ADAMTS19: variants seen among roughly 807,000 people sequenced by gnomAD.
ADAMTS19 encodes the protein A disintegrin and metalloproteinase with thrombospondin motifs 19.
A neutral mutation model predicts 153.3 loss-of-function variants in ADAMTS19; 93 were observed. The observed-to-expected ratio is 0.61, with a 90% CI of 0.51 to 0.72. The LOEUF (loss-of-function observed/expected upper bound fraction) is 0.72, where lower values mean the gene tolerates loss of function less well. Ranked by LOEUF, ADAMTS19 falls within the 30% of genes least tolerant of loss-of-function variation. The pLI is 0.00. For missense variants in ADAMTS19, 1,482 were observed against 1,552.1 expected (o/e 0.95, Z 0.76); for synonymous variants, 600 against 556.6 (o/e 1.08, Z -1.10).
intron 10 of ADAMTS19, among the ~76,000 whole-genome samples, chr5:129,640,297 A>G (rs1752736414): frequency 6.6e-6 from 1 of 152,176 alleles, no homozygotes; most frequent in South Asian, 2.1e-4. Flanking sequence ...AAGCTTACAA[A>G]CAGTTCAGAA....
intron 21 of ADAMTS19, among the ~76,000 whole-genome samples, chr5:129,712,984 C>T (rs575656363): frequency 6.6e-5 from 10 of 152,194 alleles, no homozygotes; most frequent in Admixed American, 2.0e-4. Flanking sequence ...TTTCCTTCTT[C>T]ATAGCTTCTA....
At position 129,461,640 on chromosome 5, in the gene ADAMTS19, G is replaced by A. The variant is rs773298842; in HGVS notation, c.630G>A (p.Thr210=). ...GGCCAAATCCCGGCCCCGGCCCCAC[G>A]GGGGCAGCATCCGCCCCGCAACCTC... ...EQRPNPGPGP[T]GAASAPQPPA... is the part of the protein sequence containing the mutation. The change falls in exon 2 of 23, where the codon ACG becomes ACA. Residue 210 remains threonine (T), a synonymous_variant. Transcript: ENST00000274487. This position sits in a 1 kb window ranked among gnomAD's most constrained non-coding sequence, Gnocchi z 4.6. 6 of 1,531,210 alleles carry A rather than the reference G, an allele frequency of 3.9e-6. No individual in the cohort carries two copies. Among genetic ancestry groups the A allele is most frequent in the Admixed American group, 1.8e-5 (1 of 55,896 alleles). The allele number at this position is 1,531,210 out of a possible 1,614,324, so 94.9% of individuals were successfully genotyped here.
chr5:129,545,799 T>C (rs2126808351), intron 6 of ADAMTS19, among the ~76,000 whole-genome samples: 1 of 150,882 alleles, frequency 6.6e-6, no homozygotes, highest in South Asian at 2.1e-4. Flanking sequence ...GACTGTAAAC[T>C]AGTTCAACCA....
At position 129,460,332 on chromosome 5, in the gene ADAMTS19, C is replaced by A; in HGVS notation, c.-60C>A. ...GCGCTCCGGGGAGGCCGCTGCGCCC[C>A]GGAGTGGATCGCGCTGGAGGCGTGC... On this transcript the variant is annotated 5_prime_UTR_variant, in exon 1 of 23. Coordinates refer to ENST00000274487, the MANE Select transcript of ADAMTS19 (RefSeq NM_133638.6). 6.7e-7 allele frequency: 1 copy of A among 1,501,362 alleles called. No individual in the cohort carries two copies. The highest frequency in any genetic ancestry group is 1.1e-5 in the South Asian group (1 of 88,526). 93.0% of individuals were successfully genotyped at this position (1,501,362 alleles called of 1,614,324 possible). A position where few individuals can be genotyped will look rare whatever the true frequency, so the allele number is the denominator to read the frequency against.
intron 2 of ADAMTS19, among the ~76,000 whole-genome samples, chr5:129,480,747 A>C (rs1321947869): frequency 6.6e-6 from 1 of 152,226 alleles, no homozygotes; most frequent in Non-Finnish European, 1.5e-5. Flanking sequence ...CTGGAAAATA[A>C]ACAATAATGT....
intron 21 of ADAMTS19, among the ~76,000 whole-genome samples, chr5:129,725,000 T>C (rs1039646643): frequency 6.6e-6 from 1 of 152,122 alleles, no homozygotes; most frequent in Non-Finnish European, 1.5e-5. Context: ...GTTGCCGGCA[T>C]TCACCCATGC....
At chr5:129,557,561 T>A (rs1360514242) in intron 7 of ADAMTS19, among the ~76,000 whole-genome samples, 1 of 152,146 alleles carries the variant, frequency 6.6e-6, no homozygotes, top group Admixed American at 6.6e-5. Flanking sequence ...ATGGTGGCAC[T>A]GCACTCCAGC....
intron 13 of ADAMTS19, among the ~76,000 whole-genome samples, chr5:129,651,104 C>T (rs1753298485): frequency 6.6e-6 from 1 of 152,146 alleles, no homozygotes; most frequent in Admixed American, 6.5e-5. Flanking sequence ...GTATGTTCTC[C>T]TTCTGCCTAC....
intron 3 of ADAMTS19, among the ~76,000 whole-genome samples, chr5:129,525,938 A>T (rs1002610853): frequency 1.3e-5 from 2 of 151,990 alleles, no homozygotes; most frequent in Admixed American, 1.3e-4. Context: ...AGTATCTTTT[A>T]TTTATTGAGT....
At chr5:129,510,076 G>T (rs893742542) in intron 3 of ADAMTS19, among the ~76,000 whole-genome samples, 28 of 151,804 alleles carry the variant, frequency 1.8e-4, no homozygotes, top group African/African-American at 6.3e-4. Flanking sequence ...TTTCCAGTTA[G>T]AATCTGAGGA....
chr5:129,579,668 C>T lies in ADAMTS19; in HGVS notation c.1373-16891C>T, dbSNP rs930857260. Among the ~76,000 whole-genome samples, 6 of 152,106 alleles carry T rather than the reference C, an allele frequency of 3.9e-5. No individual in the cohort carries two copies. The South Asian group carries it at 1.2e-3, about 32-fold the overall frequency. ...AGTTTTCTGCATTCTAGCCAGTTTT[C>T]CCAACACCGTTTATTAAATAGGGAA... On this transcript the variant is annotated intron_variant, in intron 7 of 22. Coordinates refer to ENST00000274487, the MANE Select transcript of ADAMTS19 (RefSeq NM_133638.6).
intron 6 of ADAMTS19, among the ~76,000 whole-genome samples, chr5:129,528,974 G>C (rs1222121624): frequency 6.6e-6 from 1 of 151,986 alleles, no homozygotes; most frequent in Non-Finnish European, 1.5e-5. Context: ...GAATTTTGTT[G>C]TAAGTTCCAA....
intron 16 of ADAMTS19, among the ~76,000 whole-genome samples, chr5:129,669,233 A>G (rs1754191151): frequency 6.6e-6 from 1 of 152,086 alleles, no homozygotes; most frequent in African/African-American, 2.4e-5. Flanking sequence ...CTAAAACTAT[A>G]TGAAAAAGCT....
intron 15 of ADAMTS19, among the ~76,000 whole-genome samples, chr5:129,664,443 T>C (rs1753946635): frequency 6.6e-6 from 1 of 152,158 alleles, no homozygotes; most frequent in African/African-American, 2.4e-5. Context: ...GGCTTAGTGT[T>C]GCTGAAATGT....
At chr5:129,526,109 A>G (rs1276140686) in intron 3 of ADAMTS19, among the ~76,000 whole-genome samples, 175 bp from the exon 4 acceptor site, 1 of 152,040 alleles carries the variant, frequency 6.6e-6, no homozygotes, top group Non-Finnish European at 1.5e-5. Flanking sequence ...GGCAGAACTA[A>G]TAAGTGGGAG....
At chr5:129,491,064 C>T (rs1750752495) in intron 2 of ADAMTS19, among the ~76,000 whole-genome samples, 2 of 152,036 alleles carry the variant, frequency 1.3e-5, no homozygotes, top group African/African-American at 2.4e-5. Flanking sequence ...TGGTGTGGCA[C>T]GATCTCAGCT....
At chr5:129,485,944 C>G (rs537401948) in intron 2 of ADAMTS19, among the ~76,000 whole-genome samples, 24 of 152,168 alleles carry the variant, frequency 1.6e-4, no homozygotes, top group Admixed American at 6.5e-4. Flanking sequence ...ACGCCCACCA[C>G]CACGCCTGAA....
At position 129,569,777 on chromosome 5, in the gene ADAMTS19, T is replaced by C. The variant is rs759109158; in HGVS notation, c.1372+17870T>C. On this transcript the variant is annotated intron_variant, in intron 7 of 22. Transcript: ENST00000274487. ...CTAAGTGTTTTGAACTGAACAAACA[T>C]GAAAAGACAACATACAAATTGGAGG... Among the ~76,000 whole-genome samples the C allele has an allele frequency of 3.9e-5, 6 of 152,050 alleles. No homozygotes were observed. In the East Asian group the frequency reaches 9.7e-4, roughly 25 times the overall value.
intron 3 of ADAMTS19, among the ~76,000 whole-genome samples, chr5:129,522,332 C>CACACATATATATATATAT (rs1309115957): frequency 1.4e-4 from 8 of 58,620 alleles, no homozygotes; most frequent in Non-Finnish European, 1.7e-4. Flanking sequence ...CACACACACA[C>CACACATATATATATATAT]ATATATATAT....
Sources: gnomAD v4.1 joint callset for allele counts (sites outside exome capture counted in the v4.1 genomes callset) on GRCh38, gnomAD v4.1.1 for gene constraint, Gnocchi (gnomAD v3.1) non-coding constraint, MANE v1.5 for transcripts, NCBI Gene and HGNC (gene_info 2026-07-23, HGNC 2026-07-21) for gene names.